Variants in PRTG observed in about 807,000 individuals in gnomAD.
The protein encoded by PRTG is immunoglobulin superfamily, DCC subclass, member 5.
In PRTG, 67 loss-of-function variants were observed where a neutral mutation model predicts 122.5. The observed-to-expected ratio is 0.55, with a 90% confidence interval of 0.45 to 0.67. The LOEUF (loss-of-function observed/expected upper bound fraction) is 0.67, where lower values mean the gene tolerates loss of function less well. Among genes scored for constraint, PRTG ranks in the 30% least tolerant of loss-of-function variants. The probability of loss-of-function intolerance (pLI) is 0.00; values close to 1 mark genes in which losing one functional copy is unlikely to be tolerated. For missense variants in PRTG, 1,435 were observed against 1,415.4 expected (o/e 1.01, Z -0.22); for synonymous variants, 554 against 501.1 (o/e 1.11, Z -1.41).
chr15:55,711,147 C>A (rs1305453079), intron 2 of PRTG, among the ~76,000 whole-genome samples: 4 of 147,696 alleles, frequency 2.7e-5, no homozygotes, highest in African/African-American at 1.0e-4. Context: ...GTCTCGAACT[C>A]CTGACCTCAA....
chr15:55,646,265 GC>G (rs1201608500), intron 11 of PRTG, among the ~76,000 whole-genome samples: 1 of 145,664 alleles, frequency 6.9e-6, no homozygotes, highest in East Asian at 2.1e-4. Context: ...ACCCGCCTTG[GC>G]CTCCCAAAGT....
intron 2 of PRTG, among the ~76,000 whole-genome samples, chr15:55,736,113 T>C (rs2031404011): frequency 6.6e-6 from 1 of 152,160 alleles, no homozygotes; most frequent in South Asian, 2.1e-4. Context: ...CTCAGTTCTG[T>C]TGGTTTGAGT....
At chr15:55,689,627 T>G (rs2059589235) in intron 2 of PRTG, among the ~76,000 whole-genome samples, 1 of 46,222 alleles carries the variant, frequency 2.2e-5, no homozygotes, top group African/African-American at 5.7e-5. Context: ...CCCTAGAACT[T>G]AAATTAAAAA....
intron 11 of PRTG, among the ~76,000 whole-genome samples, chr15:55,652,863 T>C (rs906657097): frequency 1.3e-5 from 2 of 152,064 alleles, no homozygotes; most frequent in East Asian, 1.9e-4. Flanking sequence ...GAATTCTTTG[T>C]CTCATATCGT....
chr15:55,718,733 G>A (rs2030698250), intron 2 of PRTG, among the ~76,000 whole-genome samples: 1 of 151,660 alleles, frequency 6.6e-6, no homozygotes, highest in Admixed American at 6.6e-5. Flanking sequence ...GGCCTCTTAA[G>A]GTTCAAATTA....
intron 5 of PRTG, 136 bp downstream of exon 5, chr15:55,680,355 C>A: frequency 8.5e-7 from 1 of 1,171,878 alleles, no homozygotes; most frequent in Non-Finnish European, 1.2e-6. Flanking sequence ...TCTCTACTCA[C>A]TGAAATGCCA....
intron 11 of PRTG, chr15:55,655,625 GGACAGTATGAACTTTA>G (rs1458657436): frequency 6.6e-6 from 1 of 152,112 alleles, no homozygotes; most frequent in Non-Finnish European, 1.5e-5. Context: ...ACAGAACTTT[GGACAGTATGAACTTTA>G]GACAGTATAA....
intron 11 of PRTG, chr15:55,655,096 T>TTA (rs2059372850): frequency 6.6e-6 from 1 of 152,196 alleles, no homozygotes. Context: ...AAAACCATGA[T>TTA]TATTTATTTA....
chr15:55,642,406 C>T (rs962940194), intron 11 of PRTG, among the ~76,000 whole-genome samples: 2 of 151,716 alleles, frequency 1.3e-5, no homozygotes. Context: ...CACCCGAGGT[C>T]GGGAGTTCGA....
chr15:55,707,287 A>T (rs1395290489), intron 2 of PRTG, among the ~76,000 whole-genome samples: 1 of 152,222 alleles, frequency 6.6e-6, no homozygotes, highest in Non-Finnish European at 1.5e-5. Context: ...CCAAGAATGT[A>T]CCTTCTATAG....
At chr15:55,730,971 T>C (rs2031211406) in intron 2 of PRTG, among the ~76,000 whole-genome samples, 1 of 152,188 alleles carries the variant, frequency 6.6e-6, no homozygotes, top group Non-Finnish European at 1.5e-5. Context: ...GAAGGCATAA[T>C]GATATTGCAA....
Position 55,679,543 on chromosome 15 carries a change from T to C in PRTG, c.974-98A>G. ...CAGCAAATGAAACAAGCCCCATTCCTGAAGATGCCTGACATGCTGAGCTCC... is the reference window on the plus strand; with the variant it reads ...CAGCAAATGAAACAAGCCCCATTCCCGAAGATGCCTGACATGCTGAGCTCC... On this transcript the variant is annotated intron_variant, in intron 6 of 19. Coordinates refer to ENST00000389286, the MANE Select transcript of PRTG (RefSeq NM_173814.6). The C allele has an allele frequency of 6.0e-6, 5 of 832,188 alleles. No individual in the cohort carries two copies. The South Asian group carries it at 9.1e-5, about 15-fold the overall frequency. 51.6% of individuals were successfully genotyped at this position (832,188 alleles called of 1,614,324 possible). A position where few individuals can be genotyped will look rare whatever the true frequency, so the allele number is the denominator to read the frequency against.
At chr15:55,633,400 A>G (rs1268282636) in intron 15 of PRTG, among the ~76,000 whole-genome samples, 1 of 152,140 alleles carries the variant, frequency 6.6e-6, no homozygotes, top group Non-Finnish European at 1.5e-5. Flanking sequence ...TAAATTACAT[A>G]CAAGTATAAT....
At chr15:55,643,079 A>T (rs1330881307) in intron 11 of PRTG, among the ~76,000 whole-genome samples, 1 of 152,122 alleles carries the variant, frequency 6.6e-6, no homozygotes, top group East Asian at 1.9e-4. Context: ...TCTCTCAAAT[A>T]AACTAACTAA....
chr15:55,621,570 AATGGTGTGAACCCGGGGCCGAG>A (rs2059166583), intron 18 of PRTG, among the ~76,000 whole-genome samples: 1 of 148,892 alleles, frequency 6.7e-6, no homozygotes. Flanking sequence ...GAGGCAGGAG[AATGGTGTGAACCCGGGGCCGAG>A]ATCGCGCCAC....
intron 2 of PRTG, among the ~76,000 whole-genome samples, chr15:55,699,345 A>C (rs2059649488): frequency 6.6e-6 from 1 of 152,138 alleles, no homozygotes; most frequent in Non-Finnish European, 1.5e-5. Flanking sequence ...CAAGAGAACA[A>C]GTTTCATGAA....
At chr15:55,652,057 A>T (rs1379297812) in intron 11 of PRTG, among the ~76,000 whole-genome samples, 1 of 152,222 alleles carries the variant, frequency 6.6e-6, no homozygotes, top group Non-Finnish European at 1.5e-5. Context: ...TAAAATGCAT[A>T]AAGAAAATAA....
At chr15:55,675,800 G>A in intron 8 of PRTG, 117 bp from the exon 9 acceptor site, 1 of 518,384 alleles carries the variant, frequency 1.9e-6, no homozygotes, top group Non-Finnish European at 3.3e-6. Flanking sequence ...CTTATCTTCT[G>A]TGCCCCTTTA....
At chr15:55,664,547 C>T (rs907299803) in intron 11 of PRTG, among the ~76,000 whole-genome samples, 4 of 152,140 alleles carry the variant, frequency 2.6e-5, no homozygotes, top group Non-Finnish European at 5.9e-5. Context: ...TATAGTCATA[C>T]ATATGTACGT....
Sources: allele counts gnomAD v4.1 joint callset (sites outside exome capture counted in the v4.1 genomes callset), GRCh38; gene constraint gnomAD v4.1.1; transcripts MANE v1.5; gene names NCBI Gene and HGNC (gene_info 2026-07-23, HGNC 2026-07-21).